LRRK2: variants seen among roughly 807,000 people sequenced by gnomAD.
LRRK2 encodes leucine rich repeat kinase 2.
Under a neutral mutation model 302.6 loss-of-function variants are expected in LRRK2, and 203 were observed. The observed-to-expected ratio is 0.67, with a 90% CI of 0.60 to 0.75. The LOEUF (loss-of-function observed/expected upper bound fraction) is 0.75, where lower values mean the gene tolerates loss of function less well. Ranked by LOEUF, LRRK2 falls within the 30% of genes least tolerant of loss-of-function variation. The pLI is 0.00. For missense variants in LRRK2, 2,830 were observed against 2,951.0 expected, an observed-to-expected ratio of 0.96 and a Z score of 0.95; for synonymous variants, 1,066 against 1,031.9, an observed-to-expected ratio of 1.03 and a Z score of -0.63.
chr12:40,302,650 A>C, intron 25 of LRRK2, 139 bp from the exon 26 acceptor site: 1 of 676,602 alleles, frequency 1.5e-6, no homozygotes, highest in Non-Finnish European at 2.6e-6. Context: ...TTATTTTTAA[A>C]AGTGGATTTT....
intron 20 of LRRK2, among the ~76,000 whole-genome samples, chr12:40,290,122 A>G (rs538717351): frequency 2.0e-5 from 3 of 151,956 alleles, no homozygotes; most frequent in East Asian, 3.9e-4. Flanking sequence ...ATTTTTGGAG[A>G]GCCTTTTTTT....
At chr12:40,285,598 A>G (rs2136665825) in intron 19 of LRRK2, among the ~76,000 whole-genome samples, 1 of 152,220 alleles carries the variant, frequency 6.6e-6, no homozygotes, top group African/African-American at 2.4e-5. Context: ...TGATACAGAC[A>G]TTCTCAATGT....
intron 46 of LRRK2, among the ~76,000 whole-genome samples, chr12:40,358,778 T>C (rs1488311700): frequency 2.0e-5 from 3 of 152,292 alleles, no homozygotes; most frequent in South Asian, 2.1e-4. Flanking sequence ...GGAGCTTTCA[T>C]GGGAATTTCA....
intron 16 of LRRK2, 73 bp from the exon 17 acceptor site, chr12:40,277,815 C>T: frequency 1.5e-6 from 2 of 1,366,774 alleles, no homozygotes; most frequent in East Asian, 2.5e-5. Flanking sequence ...TATACAAACT[C>T]TCTCTGCTTT....
intron 47 of LRRK2, among the ~76,000 whole-genome samples, chr12:40,361,729 G>A (rs746757807): frequency 1.2e-4 from 19 of 152,036 alleles, no homozygotes; most frequent in Non-Finnish European, 2.6e-4. Context: ...GGACCTAGAT[G>A]CATAAACACT....
At chr12:40,306,497 CA>C (rs1394287346) in intron 28 of LRRK2, among the ~76,000 whole-genome samples, 1 of 152,166 alleles carries the variant, frequency 6.6e-6, no homozygotes, top group Non-Finnish European at 1.5e-5. Context: ...ACACTTTAAG[CA>C]CTTTAAATAT....
chr12:40,353,383 C>T (rs191099092), intron 44 of LRRK2, among the ~76,000 whole-genome samples: 12,266 of 148,722 alleles, frequency 0.082, 739 homozygotes, highest in South Asian at 0.17. Context: ...ACATCCCAGA[C>T]GGGGCGGCAG....
intron 6 of LRRK2, among the ~76,000 whole-genome samples, chr12:40,243,287 C>CT (rs1941821609): frequency 1.3e-5 from 2 of 151,736 alleles, no homozygotes; most frequent in African/African-American, 2.4e-5. Flanking sequence ...TGAATTTTTC[C>CT]TTTTTTTGAT....
chr12:40,358,194 G>A (rs1351673900), intron 46 of LRRK2, among the ~76,000 whole-genome samples: 1 of 151,170 alleles, frequency 6.6e-6, no homozygotes, highest in Non-Finnish European at 1.5e-5. Flanking sequence ...TCTCTATATT[G>A]TTGATAGTTT....
chr12:40,306,595 CCA>C (rs1258694260), intron 28 of LRRK2, among the ~76,000 whole-genome samples: 2 of 152,160 alleles, frequency 1.3e-5, no homozygotes, highest in Non-Finnish European at 2.9e-5. Flanking sequence ...GCTCCCTTTT[CCA>C]CAGTTACTGT....
rs1415361506 is a variant in LRRK2 at position 40,369,016 on chromosome 12, C to CT, written c.*1253dup. 1 of 151,790 alleles carries CT rather than the reference C, an allele frequency of 6.6e-6. No homozygotes were observed. Among genetic ancestry groups the CT allele is most frequent in the Non-Finnish European group, 1.5e-5 (1 of 67,770 alleles). The allele number at this position is 151,790 out of a possible 1,614,324, so 9.4% of individuals were successfully genotyped here. On this transcript the variant is annotated 3_prime_UTR_variant, in exon 51 of 51. Coordinates refer to ENST00000298910, the MANE Select transcript of LRRK2 (RefSeq NM_198578.4). ...ACTAGTACATTTAATATTCTCAGAA[C>CT]TTATGGCATTTTACTATGTGAAAAC...
intron 12 of LRRK2, among the ~76,000 whole-genome samples, chr12:40,258,429 G>T (rs1197511535): frequency 6.6e-6 from 1 of 152,082 alleles, no homozygotes; most frequent in African/African-American, 2.4e-5. Context: ...TTTTAATGGG[G>T]CCGGAAGTGT....
chr12:40,313,009 T>A (rs1472526524), intron 31 of LRRK2: 1 of 152,024 alleles, frequency 6.6e-6, no homozygotes, highest in Non-Finnish European at 1.5e-5. Context: ...GTTATGGTTG[T>A]CTCTTTAAGT....
At position 40,356,179 on chromosome 12, in the gene LRRK2, AC is replaced by A. The variant is rs1946531589; in HGVS notation, c.6836del (p.Thr2279MetfsTer10). 1 of 1,610,410 alleles carries A rather than the reference AC, an allele frequency of 6.2e-7. No homozygotes were observed. Among genetic ancestry groups the A allele is most frequent in the African/African-American group, 1.3e-5 (1 of 74,836 alleles). On this transcript the variant is annotated frameshift_variant, in exon 46 of 51. Transcript: ENST00000298910. LOFTEE classifies it high-confidence loss of function. ...DGKLAIFEDK[T>X]VKLKGAAPLK... ...CAAGTTAGCAATTTTTGAAGATAAGACTGTTAAGGTAAATGTTGAATGCATT... is the reference window on the plus strand; with the variant it reads ...CAAGTTAGCAATTTTTGAAGATAAGATGTTAAGGTAAATGTTGAATGCATT...
At position 40,320,119 on chromosome 12, in the gene LRRK2, A is replaced by C; in HGVS notation, c.4959A>C (p.Leu1653=). The change falls in exon 34 of 51, where the codon CTA becomes CTC. Residue 1653 remains leucine, a synonymous_variant. Transcript: ENST00000298910. ...KNYMSQYFKL[L]EKFQIALPIG... ...ACATGTCACAGTATTTTAAGCTCCTAGAAAAATTCCAGATTGCTTTGCCAA... is the reference window on the plus strand; with the variant it reads ...ACATGTCACAGTATTTTAAGCTCCTCGAAAAATTCCAGATTGCTTTGCCAA... The C allele has an allele frequency of 1.9e-6, 3 of 1,611,870 alleles. No homozygotes were observed. The highest frequency in any genetic ancestry group is 2.5e-6 in the Non-Finnish European group (3 of 1,178,912).
intron 14 of LRRK2, among the ~76,000 whole-genome samples, chr12:40,271,658 G>A (rs1028141125): frequency 6.6e-6 from 1 of 151,740 alleles, no homozygotes; most frequent in Non-Finnish European, 1.5e-5. Flanking sequence ...TTCTATTGTG[G>A]GCTTGTAAAT....
In LRRK2 at chr12:40,304,040, G is replaced by C. The variant is rs60185966; in HGVS notation, c.3683G>C (p.Ser1228Thr). 3.0e-4 allele frequency: 479 copies of C among 1,613,526 alleles called. 1 individual carries two copies. The highest frequency in any genetic ancestry group is 4.0e-4 in the Non-Finnish European group (471 of 1,179,740). ...TTGAACTTAAGGGAACTCTTATTTA[G>C]CCATAATCAGATCAGCATCTTGGAC... is the stretch of plus-strand genomic sequence containing the variant. Reference protein sequence around the residue: ...KSLNLRELLFSHNQISILDLS... With the variant: ...KSLNLRELLFTHNQISILDLS... The change falls in exon 27 of 51, where the codon AGC becomes ACC. Residue 1228 changes from serine (S) to threonine (T), a missense_variant. Coordinates refer to ENST00000298910, the MANE Select transcript of LRRK2 (RefSeq NM_198578.4).
At chr12:40,338,040 C>A (rs553463296) in intron 40 of LRRK2, among the ~76,000 whole-genome samples, 2 of 152,332 alleles carry the variant, frequency 1.3e-5, no homozygotes, top group African/African-American at 2.4e-5. Context: ...ACACTCTGTG[C>A]AAGACATTGA....
intron 44 of LRRK2, among the ~76,000 whole-genome samples, chr12:40,353,590 G>A (rs868558428): frequency 1.1e-3 from 164 of 152,236 alleles, no homozygotes; most frequent in African/African-American, 3.8e-3. Flanking sequence ...GTGGCGGCCG[G>A]GCAGAGGCTG....
Sources: gnomAD v4.1 joint callset for allele counts (sites outside exome capture counted in the v4.1 genomes callset) on GRCh38, gnomAD v4.1.1 for gene constraint, MANE v1.5 for transcripts, NCBI Gene and HGNC (gene_info 2026-07-23, HGNC 2026-07-21) for gene names.